FAP: variants seen among roughly 807,000 people sequenced by gnomAD.
FAP encodes the protein prolyl endopeptidase FAP.
FAP carries 110 observed loss-of-function variants against 126.5 expected under a neutral mutation model. The observed-to-expected ratio is 0.87, with a 90% confidence interval of 0.74 to 1.02. FAP has a LOEUF of 1.02. Among genes scored for constraint, FAP ranks in the 50% least tolerant of loss-of-function variants. The pLI, the probability that FAP is intolerant of heterozygous loss-of-function variation, is 0.00. For synonymous variants in FAP, 334 were observed against 297.3 expected, an observed-to-expected ratio of 1.12 and a Z score of -1.27; for missense variants, 919 against 909.2, an observed-to-expected ratio of 1.01 and a Z score of -0.14.
Position 162,223,634 on chromosome 2 carries a change from T to C in FAP, c.387A>G (p.Thr129=). ...CATTGCTAAGGTCATAGATGTAATATGTTGCTGTGTAAGAGTATCTCCAAA... is the reference window on the plus strand; with the variant it reads ...CATTGCTAAGGTCATAGATGTAATACGTTGCTGTGTAAGAGTATCTCCAAA... ...SKLWRYSYTA[T]YYIYDLSNGE... Residue 129 remains threonine (T), a synonymous_variant, in exon 6 of 26, where the codon ACA becomes ACG. Transcript: ENST00000188790. 1.2e-6 allele frequency: 2 copies of C among 1,609,866 alleles called. No homozygotes were observed. The highest frequency in any genetic ancestry group is 1.7e-6 in the Non-Finnish European group (2 of 1,176,364).
intron 15 of FAP, among the ~76,000 whole-genome samples, chr2:162,199,477 A>G (rs1352120374): frequency 6.6e-6 from 1 of 152,088 alleles, no homozygotes; most frequent in African/African-American, 2.4e-5. Flanking sequence ...CACTGCCCAC[A>G]TTGGCCCTAC....
intron 2 of FAP, among the ~76,000 whole-genome samples, chr2:162,231,863 C>A (rs892759640): frequency 6.6e-6 from 1 of 152,292 alleles, no homozygotes; most frequent in African/African-American, 2.4e-5. Context: ...AATTAAGTGG[C>A]ATACAAATGG....
At chr2:162,185,028 G>T (rs1687814978) in intron 20 of FAP, among the ~76,000 whole-genome samples, 1 of 152,136 alleles carries the variant, frequency 6.6e-6, no homozygotes. Flanking sequence ...AATGTTGCAG[G>T]ACTAGGTTAA....
chr2:162,226,182 T>A (rs1689638729), intron 3 of FAP, among the ~76,000 whole-genome samples: 1 of 152,186 alleles, frequency 6.6e-6, no homozygotes, highest in Non-Finnish European at 1.5e-5. Flanking sequence ...TCCAGATTAA[T>A]AATGGAATTT....
chr2:162,242,850 A>AT lies in FAP; in HGVS notation c.91+57dup, dbSNP rs376925806. 1.4e-3 allele frequency: 1,755 copies of AT among 1,282,606 alleles called. 4 individuals carry two copies. Among genetic ancestry groups the AT allele is most frequent in the Non-Finnish European group, 1.7e-3 (1,542 of 888,218 alleles). The allele number at this position is 1,282,606 out of a possible 1,614,324, so 79.5% of individuals were successfully genotyped here. A position where few individuals can be genotyped will look rare whatever the true frequency, so the allele number is the denominator to read the frequency against. On this transcript the variant is annotated intron_variant, in intron 2 of 25. Transcript: ENST00000188790. ...AATGTTCAACCACTTGTGATCTTGC[A>AT]TTAGTACATTTTCCAAGCTATTCTA... is the stretch of plus-strand genomic sequence containing the variant.
At chr2:162,242,803 T>C in intron 2 of FAP, 105 bp downstream of exon 2, 1 of 788,780 alleles carries the variant, frequency 1.3e-6, no homozygotes, top group South Asian at 1.7e-5. Flanking sequence ...ACAGACTTAC[T>C]TTGGAACATA....
chr2:162,186,287 T>G (rs1420237007), intron 20 of FAP, among the ~76,000 whole-genome samples: 1 of 152,152 alleles, frequency 6.6e-6, no homozygotes, highest in Non-Finnish European at 1.5e-5. Flanking sequence ...TTTCTTCAGA[T>G]TCCATCCTAA....
chr2:162,197,909 G>C (rs1688320466), intron 16 of FAP, among the ~76,000 whole-genome samples: 9 of 152,210 alleles, frequency 5.9e-5, no homozygotes, highest in Admixed American at 5.2e-4. Flanking sequence ...GGAGGTGACA[G>C]AGATTGGAGA....
At chr2:162,195,522 G>T (rs527955636) in intron 16 of FAP, among the ~76,000 whole-genome samples, 6 of 151,756 alleles carry the variant, frequency 4.0e-5, no homozygotes, top group Non-Finnish European at 8.8e-5. Context: ...TCCCGGGTTG[G>T]GGGGAGGTAG....
chr2:162,184,850 A>G (rs1223691061), intron 20 of FAP, among the ~76,000 whole-genome samples: 1 of 152,198 alleles, frequency 6.6e-6, no homozygotes, highest in Non-Finnish European at 1.5e-5. Flanking sequence ...ATGATCTCCC[A>G]GAAGCCAACA....
intron 21 of FAP, 75 bp downstream of exon 21, chr2:162,183,339 C>G: frequency 2.7e-6 from 3 of 1,095,404 alleles, no homozygotes; most frequent in Non-Finnish European, 2.7e-6. Context: ...TCATGAGAAA[C>G]CTTCTAAACG....
chr2:162,209,505 T>C (rs1018389539), intron 12 of FAP: 3 of 154,714 alleles, frequency 1.9e-5, no homozygotes, highest in Non-Finnish European at 4.3e-5. Flanking sequence ...TATACATACA[T>C]GAAATTTAGT....
chr2:162,179,143 C>G (rs937131567), intron 21 of FAP, among the ~76,000 whole-genome samples: 3 of 151,880 alleles, frequency 2.0e-5, no homozygotes, highest in Non-Finnish European at 4.4e-5. Context: ...AAATTGATGT[C>G]CATAGAAAAC....
At chr2:162,212,653 TG>T (rs1688988645) in intron 11 of FAP, among the ~76,000 whole-genome samples, 1 of 152,220 alleles carries the variant, frequency 6.6e-6, no homozygotes, top group Non-Finnish European at 1.5e-5. Context: ...AATTTCTAGA[TG>T]AAATTTAGTG....
chr2:162,194,849 G>T, intron 16 of FAP, 101 bp from the exon 17 acceptor site: 4 of 997,600 alleles, frequency 4.0e-6, no homozygotes, highest in Non-Finnish European at 6.4e-6. Context: ...TCAAGTGCCA[G>T]TACATCTTTT....
chr2:162,238,833 A>G (rs1403365912), intron 2 of FAP, among the ~76,000 whole-genome samples: 2 of 152,212 alleles, frequency 1.3e-5, no homozygotes, highest in African/African-American at 4.8e-5. Flanking sequence ...CTAATTAGTA[A>G]TACTAATAAT....
At chr2:162,199,350 TAAG>T (rs1473599867) in intron 15 of FAP, among the ~76,000 whole-genome samples, 2 of 152,310 alleles carry the variant, frequency 1.3e-5, no homozygotes, top group East Asian at 1.9e-4. Flanking sequence ...AAATTGGAAA[TAAG>T]AAATTACAGT....
chr2:162,219,791 CA>C, intron 7 of FAP, 61 bp downstream of exon 7: 1 of 1,185,620 alleles, frequency 8.4e-7, no homozygotes, highest in Non-Finnish European at 1.2e-6. Flanking sequence ...TAACAAAGGC[CA>C]AAATCAAATG....
At chr2:162,191,035 C>A (rs771718258) in intron 17 of FAP, among the ~76,000 whole-genome samples, 18 of 152,212 alleles carry the variant, frequency 1.2e-4, no homozygotes, top group Non-Finnish European at 2.2e-4. Context: ...AATGAATACA[C>A]AATTCTAAGT....
Sources: allele counts gnomAD v4.1 joint callset (sites outside exome capture counted in the v4.1 genomes callset), GRCh38; gene constraint gnomAD v4.1.1; transcripts MANE v1.5; gene names NCBI Gene and HGNC (gene_info 2026-07-23, HGNC 2026-07-21).